Variants in PTPRD observed in about 807,000 individuals in gnomAD.
PTPRD encodes the protein receptor-type tyrosine-protein phosphatase delta.
Under a neutral mutation model 214.5 loss-of-function variants are expected in PTPRD, and 34 were observed. The observed-to-expected ratio is 0.16, with a 90% CI of 0.12 to 0.21. The LOEUF (loss-of-function observed/expected upper bound fraction) is 0.21. PTPRD is among the 10% of genes least tolerant of loss of function. The pLI is 1.00. For synonymous variants in PTPRD, 1,128 were observed against 845.7 expected (o/e 1.33, Z -5.79); for missense variants, 2,545 against 2,398.7 (o/e 1.06, Z -1.27).
chr9:8,582,255 A>G (rs2093228324), intron 14 of PTPRD, among the ~76,000 whole-genome samples: 1 of 152,226 alleles, frequency 6.6e-6, no homozygotes, highest in South Asian at 2.1e-4. Flanking sequence ...TCGCCACTTT[A>G]CAACAAACAG....
intron 5 of PTPRD, among the ~76,000 whole-genome samples, chr9:9,771,563 G>C (rs2098751983): frequency 6.6e-6 from 1 of 152,132 alleles, no homozygotes; most frequent in African/African-American, 2.4e-5. Flanking sequence ...AGGCAGCAGA[G>C]TTACTCCACA....
intron 27 of PTPRD, among the ~76,000 whole-genome samples, chr9:8,491,658 TAA>T (rs922847603): frequency 5.6e-4 from 64 of 113,476 alleles, no homozygotes; most frequent in Admixed American, 8.4e-4. Context: ...CAATGGTATT[TAA>T]AAAAAAAAAA....
chr9:8,824,417 C>G (rs7864663), intron 11 of PTPRD, among the ~76,000 whole-genome samples: 87,095 of 151,958 alleles, frequency 0.57, 25,863 homozygotes, highest in African/African-American at 0.73. Context: ...CTTGCATTCA[C>G]GGTAGAGAAG....
rs766217435 is a variant in PTPRD, at chr9:8,375,911, C to G, written c.4661+25G>C. 1.0e-5 allele frequency: 16 copies of G among 1,598,938 alleles called. No individual in the cohort carries two copies. The South Asian group carries it at 1.8e-4, about 18-fold the overall frequency. ...GTCAATTTAGCTTTCTGTTTCCTGA[C>G]TGCAAGTGAACAAACGCTTCTTACC... is the stretch of plus-strand genomic sequence containing the variant. On this transcript the variant is annotated intron_variant, in intron 39 of 45. Coordinates refer to ENST00000381196, the MANE Select transcript of PTPRD (RefSeq NM_002839.4).
chr9:9,904,403 GT>G (rs145344952), intron 5 of PTPRD, among the ~76,000 whole-genome samples: 30,201 of 151,788 alleles, frequency 0.2, 3,361 homozygotes, highest in African/African-American at 0.3. Context: ...TTCTACAGTT[GT>G]TTTCAAATTG....
rs1360297723 is a variant in PTPRD, at chr9:8,550,268, A to T, written c.353-21489T>A. ...CCTAAGATTAGTATAGATACCTTACATGTATATGGTACCTCCCAAATTTGA... is the reference window on the plus strand; with the variant it reads ...CCTAAGATTAGTATAGATACCTTACTTGTATATGGTACCTCCCAAATTTGA... On this transcript the variant is annotated intron_variant, in intron 14 of 45. Transcript: ENST00000381196. Among the ~76,000 whole-genome samples, 6 of 152,164 alleles carry T rather than the reference A, an allele frequency of 3.9e-5. No homozygotes were observed. The East Asian group carries it at 1.2e-3, about 29-fold the overall frequency.
chr9:9,733,103 C>A (rs1252538307), intron 7 of PTPRD, among the ~76,000 whole-genome samples: 1 of 152,190 alleles, frequency 6.6e-6, no homozygotes, highest in Non-Finnish European at 1.5e-5. Flanking sequence ...AAAGGCTAAA[C>A]TAGTCTCGCA....
At chr9:9,386,227 A>C (rs2063822786) in intron 9 of PTPRD, among the ~76,000 whole-genome samples, 1 of 152,140 alleles carries the variant, frequency 6.6e-6, no homozygotes, top group Admixed American at 6.6e-5. Flanking sequence ...GACTGGAATG[A>C]AGTATGTGAG....
At chr9:9,419,125 T>TTG (rs1477900427) in intron 8 of PTPRD, among the ~76,000 whole-genome samples, 1 of 68,608 alleles carries the variant, frequency 1.5e-5, no homozygotes, top group Non-Finnish European at 2.8e-5. Context: ...GATAGGCCCC[T>TTG]TATACACACA....
intron 3 of PTPRD, among the ~76,000 whole-genome samples, chr9:10,043,604 T>G (rs1328378778): frequency 1.3e-5 from 2 of 151,866 alleles, no homozygotes; most frequent in African/African-American, 4.8e-5. Flanking sequence ...TAAGATGTTT[T>G]ATAGTTTAGG....
Position 9,475,806 on chromosome 9 carries a change from T to C in PTPRD, c.-236-78324A>G, listed in dbSNP as rs10977803. 7.6e-3 allele frequency among the ~76,000 whole-genome samples: 1,155 copies of C among 152,312 alleles called. 5 individuals are homozygous for C. The highest frequency in any genetic ancestry group is 0.013 in the Non-Finnish European group (894 of 68,018). On this transcript the variant is annotated intron_variant, in intron 8 of 45. Transcript: ENST00000381196. ...CTAAGTCTTGTGTGTGACTTGGCAA[T>C]CTGAAGTTTCAGCACATATTCCAGG...
chr9:10,587,845 C>T (rs1267892044), intron 2 of PTPRD, among the ~76,000 whole-genome samples: 1 of 151,932 alleles, frequency 6.6e-6, no homozygotes, highest in Non-Finnish European at 1.5e-5. Flanking sequence ...GCTGTATAAA[C>T]ACAGATGATG....
chr9:9,455,262 T>C (rs966145470), intron 8 of PTPRD, among the ~76,000 whole-genome samples: 1 of 151,634 alleles, frequency 6.6e-6, no homozygotes, highest in Admixed American at 6.6e-5. Flanking sequence ...ATGAAGTAAT[T>C]AGGCACCTTG....
intron 8 of PTPRD, among the ~76,000 whole-genome samples, chr9:9,554,168 C>T (rs571709312): frequency 2.6e-5 from 4 of 152,108 alleles, no homozygotes; most frequent in African/African-American, 9.6e-5. Context: ...ACCACTGGTT[C>T]ATGTGGGTGT....
At chr9:9,395,302 T>A (rs905426325) in intron 9 of PTPRD, among the ~76,000 whole-genome samples, 1 of 152,044 alleles carries the variant, frequency 6.6e-6, no homozygotes. Flanking sequence ...TTTCAGGCCC[T>A]AATGTAAGGG....
chr9:8,696,226 C>T (rs2097908590), intron 12 of PTPRD, among the ~76,000 whole-genome samples: 1 of 152,084 alleles, frequency 6.6e-6, no homozygotes, highest in Non-Finnish European at 1.5e-5. Context: ...GAGGGCTGGC[C>T]TCTACCATTC....
intron 2 of PTPRD, among the ~76,000 whole-genome samples, chr9:10,365,223 G>T (rs2097492759): frequency 6.6e-6 from 1 of 152,040 alleles, no homozygotes; most frequent in African/African-American, 2.4e-5. Flanking sequence ...ACCACATACA[G>T]TCTTTCCACT....
intron 7 of PTPRD, among the ~76,000 whole-genome samples, chr9:9,679,529 G>A (rs1373365627): frequency 6.6e-6 from 1 of 151,850 alleles, no homozygotes. Flanking sequence ...AAATGGATCA[G>A]TCCTCTGTGT....
chr9:9,950,344 A>G (rs2093325231), intron 4 of PTPRD, among the ~76,000 whole-genome samples: 1 of 152,192 alleles, frequency 6.6e-6, no homozygotes, highest in African/African-American at 2.4e-5. Flanking sequence ...CAACTTTGAC[A>G]AATGAGCTAG....
Sources: gnomAD v4.1 joint callset for allele counts (sites outside exome capture counted in the v4.1 genomes callset) on GRCh38, gnomAD v4.1.1 for gene constraint, MANE v1.5 for transcripts, NCBI Gene and HGNC (gene_info 2026-07-23, HGNC 2026-07-21) for gene names.